NRXN1: variants seen among roughly 807,000 people sequenced by gnomAD.
NRXN1 encodes the protein neurexin-1.
A neutral mutation model predicts 150.9 loss-of-function variants in NRXN1; 39 were observed. That is an observed-to-expected ratio of 0.26 (90% CI 0.20 to 0.34). The LOEUF (loss-of-function observed/expected upper bound fraction) is 0.34. Among genes scored for constraint, NRXN1 ranks in the 10% least tolerant of loss-of-function variants. The pLI is 1.00. For missense variants in NRXN1, 1,815 were observed against 1,949.9 expected, an observed-to-expected ratio of 0.93 and a Z score of 1.30; for synonymous variants, 924 against 757.0, an observed-to-expected ratio of 1.22 and a Z score of -3.62.
intron 19 of NRXN1, among the ~76,000 whole-genome samples, chr2:50,089,057 T>C (rs1393569762): frequency 1.3e-5 from 2 of 152,194 alleles, no homozygotes; most frequent in Non-Finnish European, 2.9e-5. Flanking sequence ...ATTATGCATA[T>C]TAATAAAGTC....
At chr2:49,978,514 T>C (rs932384097) in intron 21 of NRXN1, among the ~76,000 whole-genome samples, 1 of 152,094 alleles carries the variant, frequency 6.6e-6, no homozygotes, top group Non-Finnish European at 1.5e-5. Flanking sequence ...ATCCCCACAC[T>C]GTCAGGCCTG....
At chr2:50,374,829 C>T (rs970487455) in intron 17 of NRXN1, among the ~76,000 whole-genome samples, 1 of 152,120 alleles carries the variant, frequency 6.6e-6, no homozygotes, top group African/African-American at 2.4e-5. Context: ...TGAATGCTTG[C>T]AACTGCAACA....
chr2:50,189,373 G>C (rs181632045), intron 18 of NRXN1, among the ~76,000 whole-genome samples: 4 of 152,134 alleles, frequency 2.6e-5, no homozygotes, highest in East Asian at 1.9e-4. Flanking sequence ...CTGGGGGTTG[G>C]GGGGTAGGGG....
chr2:50,091,426 T>G lies in NRXN1; in HGVS notation c.3615A>C (p.Ala1205=). 2 of 1,614,210 alleles carry G rather than the reference T, an allele frequency of 1.2e-6. No individual in the cohort carries two copies. The highest frequency in any genetic ancestry group is 8.5e-7 in the Non-Finnish European group (1 of 1,180,016). ...CATGGTATTTCCCATCATTAATGAT[T>G]GCATTGGATTCTTCAATGGCGATGT... ...TDDIAIEESN[A]IINDGKYHVV... The change falls in exon 19 of 23, where the codon GCA becomes GCC. Residue 1205 remains alanine (A), a synonymous_variant. Coordinates refer to ENST00000401669, the MANE Select transcript of NRXN1 (RefSeq NM_001330078.2).
chr2:50,958,899 G>A (rs1692702061), intron 2 of NRXN1, among the ~76,000 whole-genome samples: 1 of 151,980 alleles, frequency 6.6e-6, no homozygotes, highest in Non-Finnish European at 1.5e-5. Flanking sequence ...CCATTACAAC[G>A]ATTTGTTTCC....
intron 21 of NRXN1, among the ~76,000 whole-genome samples, chr2:50,019,641 CAA>C (rs764073226): frequency 0.011 from 282 of 25,548 alleles, 5 homozygotes; most frequent in African/African-American, 0.053. Context: ...GATTCCGTCT[CAA>C]AAAAAAAAAA....
chr2:50,396,414 A>T (rs2082053669), intron 17 of NRXN1, among the ~76,000 whole-genome samples: 1 of 152,216 alleles, frequency 6.6e-6, no homozygotes, highest in African/African-American at 2.4e-5. Flanking sequence ...TTAGATAGCT[A>T]CACATAGCAA....
At chr2:50,301,881 A>G (rs2074184871) in intron 17 of NRXN1, among the ~76,000 whole-genome samples, 1 of 152,302 alleles carries the variant, frequency 6.6e-6, no homozygotes, top group Non-Finnish European at 1.5e-5. Context: ...TGAATGAGAC[A>G]TTCTTTCCCT....
intron 8 of NRXN1, among the ~76,000 whole-genome samples, chr2:50,595,344 T>C (rs1674995918): frequency 6.6e-6 from 1 of 151,890 alleles, no homozygotes; most frequent in African/African-American, 2.4e-5. Flanking sequence ...ATGCAATTTT[T>C]CTCTGTACTA....
chr2:50,726,843 T>C (rs903801448), intron 5 of NRXN1, among the ~76,000 whole-genome samples: 1 of 152,202 alleles, frequency 6.6e-6, no homozygotes, highest in Non-Finnish European at 1.5e-5. Flanking sequence ...ATACATTCTA[T>C]CTATTCTAAA....
intron 18 of NRXN1, among the ~76,000 whole-genome samples, chr2:50,226,611 G>A (rs983966752): frequency 6.6e-5 from 10 of 151,932 alleles, no homozygotes; most frequent in African/African-American, 2.4e-4. Flanking sequence ...GATGAGGCTG[G>A]AAAATAAGTC....
intron 18 of NRXN1, among the ~76,000 whole-genome samples, chr2:50,186,893 T>C (rs1274326378): frequency 1.3e-5 from 2 of 152,110 alleles, no homozygotes; most frequent in Non-Finnish European, 2.9e-5. Context: ...TTTCAAAACA[T>C]TTTTAAAATT....
intron 8 of NRXN1, among the ~76,000 whole-genome samples, chr2:50,573,586 T>C (rs1670975286): frequency 6.6e-6 from 1 of 152,030 alleles, no homozygotes; most frequent in Non-Finnish European, 1.5e-5. Flanking sequence ...GATATTTTTA[T>C]CCATATTACA....
At chr2:50,973,449 A>AAG (rs1218638360) in intron 2 of NRXN1, among the ~76,000 whole-genome samples, 1 of 152,130 alleles carries the variant, frequency 6.6e-6, no homozygotes, top group Admixed American at 6.6e-5. Context: ...TTAATCCTCT[A>AAG]TTTCTGCAAC....
chr2:50,462,353 G>T (rs1038609179), intron 17 of NRXN1, among the ~76,000 whole-genome samples: 1 of 151,694 alleles, frequency 6.6e-6, no homozygotes, highest in Non-Finnish European at 1.5e-5. Context: ...TATTGCCTCT[G>T]GTTAGGAGAA....
intron 17 of NRXN1, among the ~76,000 whole-genome samples, chr2:50,253,210 C>T (rs2067333105): frequency 6.6e-6 from 1 of 151,840 alleles, no homozygotes; most frequent in Non-Finnish European, 1.5e-5. Context: ...TGACTCTCTC[C>T]TTGTCTATTG....
intron 9 of NRXN1, 138 bp from the exon 10 acceptor site, chr2:50,538,774 G>T (rs2093326265): frequency 3.0e-6 from 2 of 655,762 alleles, no homozygotes; most frequent in South Asian, 6.6e-5. Context: ...CTCACTTTTT[G>T]GTATTTCCTA....
chr2:50,016,785 C>A (rs1686699619), intron 21 of NRXN1, among the ~76,000 whole-genome samples: 1 of 149,222 alleles, frequency 6.7e-6, no homozygotes, highest in South Asian at 2.1e-4. Flanking sequence ...AGCCAAACCA[C>A]ATCAGGCTAT....
At chr2:50,374,311 A>AAAT (rs1471750974) in intron 17 of NRXN1, among the ~76,000 whole-genome samples, 2 of 149,776 alleles carry the variant, frequency 1.3e-5, no homozygotes, top group East Asian at 3.9e-4. Context: ...ATAAATAAAT[A>AAAT]AATAAATAAA....
Sources: gnomAD v4.1 joint callset for allele counts (sites outside exome capture counted in the v4.1 genomes callset) on GRCh38, gnomAD v4.1.1 for gene constraint, MANE v1.5 for transcripts, NCBI Gene and HGNC (gene_info 2026-07-23, HGNC 2026-07-21) for gene names.